TRIM9: variants seen among roughly 807,000 people sequenced by gnomAD.
The protein encoded by TRIM9 is E3 ubiquitin-protein ligase TRIM9.
In TRIM9, 26 loss-of-function variants were observed where a neutral mutation model predicts 78.3. The ratio of observed to expected loss-of-function variants is 0.33; its 90% confidence interval spans 0.24 to 0.46. The LOEUF (loss-of-function observed/expected upper bound fraction) is 0.46, where lower values mean the gene tolerates loss of function less well. Ranked by LOEUF, TRIM9 falls within the 20% of genes least tolerant of loss-of-function variation. TRIM9 has a pLI of 1.00. For missense variants in TRIM9, 787 were observed against 1,036.4 expected (o/e 0.76, Z 3.30); for synonymous variants, 398 against 416.5 (o/e 0.96, Z 0.54).
intron 1 of TRIM9, among the ~76,000 whole-genome samples, chr14:51,088,323 G>A (rs1434443039): frequency 3.3e-5 from 5 of 152,192 alleles, no homozygotes; most frequent in Admixed American, 6.5e-5. Context: ...ATTGAATCAA[G>A]TGGCTTTGTT....
chr14:51,059,107 T>C (rs1182012705), intron 1 of TRIM9, among the ~76,000 whole-genome samples: 1 of 152,212 alleles, frequency 6.6e-6, no homozygotes, highest in Admixed American at 6.5e-5. Context: ...CGAGCTTCCC[T>C]GCTTTGCCCA....
chr14:50,982,188 G>A (rs527382175), intron 10 of TRIM9, 85 bp from the exon 11 acceptor site: 56 of 1,483,316 alleles, frequency 3.8e-5, no homozygotes, highest in Middle Eastern at 2.3e-4. Flanking sequence ...GGTGAGGAGC[G>A]TTGTGTAGCG....
chr14:50,992,776 G>T (rs2053686914), intron 7 of TRIM9, among the ~76,000 whole-genome samples: 1 of 152,206 alleles, frequency 6.6e-6, no homozygotes, highest in Non-Finnish European at 1.5e-5. Context: ...GCAGCGTGAT[G>T]CTGAGAGTCT....
intron 7 of TRIM9, among the ~76,000 whole-genome samples, chr14:50,993,559 G>A (rs2139432623): frequency 6.6e-6 from 1 of 152,150 alleles, no homozygotes; most frequent in East Asian, 1.9e-4. Context: ...GTAGAGACAG[G>A]GTTTCTCCAT....
chr14:51,033,515 CTG>C (rs2058905698), intron 1 of TRIM9, among the ~76,000 whole-genome samples: 1 of 152,216 alleles, frequency 6.6e-6, no homozygotes, highest in Non-Finnish European at 1.5e-5. Flanking sequence ...GTGGGGTAGA[CTG>C]TAGTATCGTT....
At chr14:51,050,046 G>C (rs917303197) in intron 1 of TRIM9, among the ~76,000 whole-genome samples, 1 of 152,006 alleles carries the variant, frequency 6.6e-6, no homozygotes, top group Non-Finnish European at 1.5e-5. Context: ...AGAGCCGTGA[G>C]ACAGTTTTTA....
chr14:51,004,084 G>T (rs1403773612), intron 5 of TRIM9, among the ~76,000 whole-genome samples: 1 of 152,206 alleles, frequency 6.6e-6, no homozygotes, highest in Non-Finnish European at 1.5e-5. Flanking sequence ...GAAGAGCATT[G>T]TGTTTTACTG....
chr14:51,001,848 A>G, intron 5 of TRIM9, among the ~76,000 whole-genome samples: 1 of 152,176 alleles, frequency 6.6e-6, no homozygotes, highest in East Asian at 1.9e-4. Context: ...CAGGTATAGA[A>G]CACCCACTGT....
At chr14:50,981,684 T>C (rs1241063931) in intron 11 of TRIM9, 116 bp downstream of exon 11, 2 of 1,367,024 alleles carry the variant, frequency 1.5e-6, no homozygotes, top group Non-Finnish European at 1.0e-6. Flanking sequence ...CTACTTAATG[T>C]AGACCACCTG....
At chr14:51,063,239 A>T (rs917016311) in intron 1 of TRIM9, among the ~76,000 whole-genome samples, 3 of 152,204 alleles carry the variant, frequency 2.0e-5, no homozygotes, top group Admixed American at 2.0e-4. Flanking sequence ...GCTTAACAAT[A>T]TACTGGAGTA....
chr14:51,067,789 C>A (rs1046781850), intron 1 of TRIM9, among the ~76,000 whole-genome samples: 3 of 152,182 alleles, frequency 2.0e-5, no homozygotes, highest in Non-Finnish European at 4.4e-5. Flanking sequence ...CTACTTCCTT[C>A]CAAACACTCT....
intron 3 of TRIM9, among the ~76,000 whole-genome samples, chr14:51,014,179 C>G (rs1208752327): frequency 6.6e-6 from 1 of 152,212 alleles, no homozygotes; most frequent in Non-Finnish European, 1.5e-5. Flanking sequence ...ATACATTACT[C>G]AGTCCTCATA....
At chr14:51,019,095 G>A (rs2057500682) in intron 3 of TRIM9, among the ~76,000 whole-genome samples, 1 of 152,224 alleles carries the variant, frequency 6.6e-6, no homozygotes, top group Non-Finnish European at 1.5e-5. Context: ...TTTAAGTGTT[G>A]TCATAAATTC....
chr14:51,091,724 T>C (rs112353453), intron 1 of TRIM9, among the ~76,000 whole-genome samples: 1,576 of 152,310 alleles, frequency 0.01, 12 homozygotes, highest in South Asian at 0.049. Flanking sequence ...ACAAAAATTA[T>C]GTGTCCTTAC....
chr14:51,076,616 A>G (rs2062803735), intron 1 of TRIM9, among the ~76,000 whole-genome samples: 2 of 152,360 alleles, frequency 1.3e-5, no homozygotes, highest in African/African-American at 4.8e-5. Context: ...GTCAGAAATT[A>G]CTAGCGCCAT....
At chr14:50,983,475 A>G in intron 8 of TRIM9, 54 bp from the exon 9 acceptor site, 1 of 1,420,458 alleles carries the variant, frequency 7.0e-7, no homozygotes, top group Non-Finnish European at 9.6e-7. Flanking sequence ...GGTTGATAAA[A>G]ATTACTTGTA....
At chr14:51,000,387 G>A (rs1025901869) in intron 6 of TRIM9, among the ~76,000 whole-genome samples, 1 of 152,200 alleles carries the variant, frequency 6.6e-6, no homozygotes, top group African/African-American at 2.4e-5. Context: ...ACTCAAAGGG[G>A]TGATAATTAG....
At chr14:51,075,401 C>T (rs1162425464) in intron 1 of TRIM9, among the ~76,000 whole-genome samples, 2 of 152,052 alleles carry the variant, frequency 1.3e-5, no homozygotes, top group East Asian at 1.9e-4. Context: ...AGTAACTCGT[C>T]GGTGTACTGG....
At chr14:51,046,924 T>C (rs2059993681) in intron 1 of TRIM9, among the ~76,000 whole-genome samples, 1 of 152,226 alleles carries the variant, frequency 6.6e-6, no homozygotes, top group African/African-American at 2.4e-5. Context: ...ATGAACATTA[T>C]AAAGTTTGAA....
Sources: allele counts gnomAD v4.1 joint callset (sites outside exome capture counted in the v4.1 genomes callset), GRCh38; gene constraint gnomAD v4.1.1; transcripts MANE v1.5; gene names NCBI Gene and HGNC (gene_info 2026-07-23, HGNC 2026-07-21).